CYTH3: variants seen among roughly 807,000 people sequenced by gnomAD.
CYTH3 encodes the protein cytohesin 3, also known as cytohesin-3.
A neutral mutation model predicts 55.1 loss-of-function variants in CYTH3; 23 were observed. That is an observed-to-expected ratio of 0.42 (90% CI 0.30 to 0.59). CYTH3 has a LOEUF of 0.59. Ranked by LOEUF, CYTH3 falls within the 20% of genes least tolerant of loss-of-function variation. CYTH3 has a pLI of 0.20. For missense variants in CYTH3, 413 were observed against 524.8 expected (o/e 0.79, Z 2.08); for synonymous variants, 249 against 194.9 (o/e 1.28, Z -2.31).
chr7:6,233,763 T>A (rs528022296), intron 1 of CYTH3, among the ~76,000 whole-genome samples: 1 of 152,230 alleles, frequency 6.6e-6, no homozygotes, highest in South Asian at 2.1e-4. Flanking sequence ...ACTGTCTTGG[T>A]CAGTTTGGGC....
chr7:6,230,196 G>C (rs1456312552), intron 1 of CYTH3, among the ~76,000 whole-genome samples: 1 of 152,134 alleles, frequency 6.6e-6, no homozygotes, highest in Non-Finnish European at 1.5e-5. Context: ...ATGGTTGTGA[G>C]ACCACCAAAC....
rs775266968 is a variant in CYTH3 at position 6,165,635 on chromosome 7, C to T, written c.901-19G>A. ...CCTTATCCTACAAGAGGAAAGTACA[C>T]GGCGGGGCTCACTGTGGGTCACCAG... On this transcript the variant is annotated intron_variant, in intron 10 of 12. Transcript: ENST00000350796. The T allele has an allele frequency of 1.1e-5, 18 of 1,613,078 alleles. No homozygotes were observed. Among genetic ancestry groups the T allele is most frequent in the African/African-American group, 4.0e-5 (3 of 74,906 alleles).
At chr7:6,165,082 A>G in intron 12 of CYTH3, 66 bp from the exon 13 acceptor site, 3 of 1,603,132 alleles carry the variant, frequency 1.9e-6, no homozygotes, top group Non-Finnish European at 2.6e-6. Context: ...CTTTCCCACC[A>G]GCCCCAGAGG....
chr7:6,177,967 T>C, intron 4 of CYTH3, 26 bp from the exon 5 acceptor site: 1 of 1,534,758 alleles, frequency 6.5e-7, no homozygotes, highest in Non-Finnish European at 9.0e-7. Flanking sequence ...ATGGAAGCAC[T>C]GGTTAGGAGT....
At chr7:6,220,342 C>T (rs1784523911) in intron 1 of CYTH3, among the ~76,000 whole-genome samples, 1 of 151,898 alleles carries the variant, frequency 6.6e-6, no homozygotes, top group Admixed American at 6.6e-5. Context: ...AAAATTAACT[C>T]AAAGTAGACC....
intron 1 of CYTH3, among the ~76,000 whole-genome samples, chr7:6,252,583 T>A (rs1304858139): frequency 6.6e-6 from 1 of 152,146 alleles, no homozygotes; most frequent in Non-Finnish European, 1.5e-5. Flanking sequence ...TTTCATACAA[T>A]GAGTTTGCTG....
intron 2 of CYTH3, among the ~76,000 whole-genome samples, chr7:6,188,067 C>T (rs1041195478): frequency 2.6e-5 from 4 of 152,076 alleles, no homozygotes; most frequent in African/African-American, 9.7e-5. Flanking sequence ...TGGCTCATGC[C>T]TGTAATCCCA....
At chr7:6,233,502 A>C (rs1026238167) in intron 1 of CYTH3, among the ~76,000 whole-genome samples, 4 of 152,052 alleles carry the variant, frequency 2.6e-5, no homozygotes, top group Admixed American at 1.3e-4. Context: ...TAAAACTACA[A>C]AAAATTAGCT....
intron 6 of CYTH3, among the ~76,000 whole-genome samples, chr7:6,172,433 C>A (rs894891261): frequency 2.0e-5 from 3 of 152,074 alleles, no homozygotes; most frequent in Admixed American, 6.5e-5. Context: ...AAAGCATGCA[C>A]CTGCCCACCC....
At chr7:6,217,904 G>A (rs188431144) in intron 1 of CYTH3, among the ~76,000 whole-genome samples, 20 of 152,122 alleles carry the variant, frequency 1.3e-4, no homozygotes, top group Non-Finnish European at 2.4e-4. Context: ...GATGGAGAGC[G>A]AGGCATGGTG....
At chr7:6,165,207 A>G (rs1223369537) in intron 12 of CYTH3, 66 bp downstream of exon 12, 6 of 1,571,738 alleles carry the variant, frequency 3.8e-6, no homozygotes, top group Non-Finnish European at 5.2e-6. Context: ...CATGTTCCAG[A>G]CCATCCCCCG....
chr7:6,259,734 CATATATATAATATAT>C lies in CYTH3; in HGVS notation c.34+12725_34+12739del, dbSNP rs1780230095. ...CCACAAACTCAAAATATTTTACATA[CATATATATAATATAT>C]ATATATATTATATATATATATATTA... On this transcript the variant is annotated intron_variant, in intron 1 of 12. Transcript: ENST00000350796. 1.3e-4 allele frequency among the ~76,000 whole-genome samples: 8 copies of C among 61,970 alleles called. 1 individual carries two copies. Among genetic ancestry groups the C allele is most frequent in the African/African-American group, 4.7e-4 (5 of 10,626 alleles). 40.7% of individuals were successfully genotyped at this position (61,970 alleles called of 152,430 possible).
intron 1 of CYTH3, among the ~76,000 whole-genome samples, chr7:6,199,666 G>C (rs1009331704): frequency 6.6e-6 from 1 of 152,166 alleles, no homozygotes; most frequent in African/African-American, 2.4e-5. Context: ...GGAAAGAAAA[G>C]ATACCAGATA....
chr7:6,251,328 CTTTT>C (rs377700661), intron 1 of CYTH3, among the ~76,000 whole-genome samples: 3 of 141,866 alleles, frequency 2.1e-5, no homozygotes, highest in Non-Finnish European at 3.1e-5. Context: ...TCAGACTATT[CTTTT>C]TTTTTTTTTT....
At chr7:6,214,271 T>C (rs1224544564) in intron 1 of CYTH3, among the ~76,000 whole-genome samples, 1 of 152,168 alleles carries the variant, frequency 6.6e-6, no homozygotes, top group African/African-American at 2.4e-5. Flanking sequence ...CCTTTCAACG[T>C]TTTTGTGTAC....
intron 1 of CYTH3, among the ~76,000 whole-genome samples, chr7:6,198,157 C>T (rs1783978896): frequency 6.6e-6 from 1 of 150,380 alleles, no homozygotes. Flanking sequence ...ACATCTGTAG[C>T]AATATCACTC....
intron 1 of CYTH3, among the ~76,000 whole-genome samples, chr7:6,205,395 A>C (rs1784160297): frequency 6.6e-6 from 1 of 152,100 alleles, no homozygotes; most frequent in African/African-American, 2.4e-5. Context: ...CAACATGGTA[A>C]AACCCCATCT....
chr7:6,228,544 C>T (rs955515467), intron 1 of CYTH3, among the ~76,000 whole-genome samples: 2 of 152,112 alleles, frequency 1.3e-5, no homozygotes, highest in Non-Finnish European at 2.9e-5. Flanking sequence ...CAAAGAAACT[C>T]CCCCCAGATG....
In CYTH3 at chr7:6,163,079, G is replaced by A. The variant is rs1002203699; in HGVS notation, c.*1865C>T. 6.5e-6 allele frequency: 1 copy of A among 152,716 alleles called. No homozygotes were observed. The highest frequency in any genetic ancestry group is 1.5e-5 in the Non-Finnish European group (1 of 68,068). The allele number at this position is 152,716 out of a possible 1,614,324, so 9.5% of individuals were successfully genotyped here. On this transcript the variant is annotated 3_prime_UTR_variant, in exon 13 of 13. Coordinates refer to ENST00000350796, the MANE Select transcript of CYTH3 (RefSeq NM_004227.4). ...CTCAGAACTAAAACTTCCGATTTGA[G>A]GTATCAGTAACAAAGCCTAAGAACG...
Sources: gnomAD v4.1 joint callset for allele counts (sites outside exome capture counted in the v4.1 genomes callset) on GRCh38, gnomAD v4.1.1 for gene constraint, MANE v1.5 for transcripts, NCBI Gene and HGNC (gene_info 2026-07-23, HGNC 2026-07-21) for gene names.